Variants in TEAD1 observed in about 807,000 individuals in gnomAD.
TEAD1 encodes TEA domain transcription factor 1, also known as transcriptional enhancer factor TEF-1.
A neutral mutation model predicts 54.9 loss-of-function variants in TEAD1; 9 were observed. The ratio of observed to expected loss-of-function variants is 0.16; its 90% CI spans 0.10 to 0.29. TEAD1 has a LOEUF of 0.29. TEAD1 is among the 10% of genes least tolerant of loss of function. The pLI, the probability that TEAD1 is intolerant of heterozygous loss-of-function variation, is 1.00. For missense variants in TEAD1, 387 were observed against 535.9 expected (o/e 0.72, Z 2.74); for synonymous variants, 200 against 187.8 (o/e 1.07, Z -0.53).
intron 2 of TEAD1, among the ~76,000 whole-genome samples, chr11:12,752,410 C>T (rs1031062514): frequency 2.8e-4 from 42 of 152,082 alleles, no homozygotes; most frequent in Admixed American, 2.2e-3. Flanking sequence ...AGCCTCCCCA[C>T]GCTGCCTTCC....
chr11:12,680,343 G>A (rs897450461), intron 2 of TEAD1, among the ~76,000 whole-genome samples: 16 of 152,198 alleles, frequency 1.1e-4, no homozygotes, highest in African/African-American at 3.9e-4. Context: ...TCCGACTTTC[G>A]TCCAGCCTGA....
intron 3 of TEAD1, among the ~76,000 whole-genome samples, chr11:12,861,980 CTGTCTTTT>C (rs1947513446): frequency 7.4e-6 from 1 of 135,572 alleles, no homozygotes; most frequent in Non-Finnish European, 1.6e-5. Context: ...GAGTGAAACT[CTGTCTTTT>C]TTTTTTTTTT....
intron 3 of TEAD1, among the ~76,000 whole-genome samples, chr11:12,801,827 C>A (rs1011261934): frequency 3.3e-5 from 5 of 152,108 alleles, no homozygotes; most frequent in African/African-American, 1.2e-4. Context: ...GGTGGGTTGC[C>A]CACAGGCTGT....
At chr11:12,918,504 G>A (rs1255571250) in intron 10 of TEAD1, among the ~76,000 whole-genome samples, 1 of 151,994 alleles carries the variant, frequency 6.6e-6, no homozygotes, top group Non-Finnish European at 1.5e-5. Context: ...ACTGTTAGTT[G>A]GGAAGCCTTT....
intron 9 of TEAD1, among the ~76,000 whole-genome samples, chr11:12,898,420 A>C (rs2134123843): frequency 1.4e-5 from 2 of 147,848 alleles, no homozygotes; most frequent in Middle Eastern, 3.5e-3. Flanking sequence ...TTTGAGACGG[A>C]GTATCTCTCT....
At chr11:12,810,820 G>A (rs2133987941) in intron 3 of TEAD1, among the ~76,000 whole-genome samples, 1 of 152,278 alleles carries the variant, frequency 6.6e-6, no homozygotes, top group African/African-American at 2.4e-5. Context: ...CCTTTGGGCT[G>A]CTAACTCTCC....
rs1479357729 is a variant in TEAD1 at position 12,937,092 on chromosome 11, T to C, written c.1168-17T>C. On this transcript the variant is annotated splice_polypyrimidine_tract_variant and intron_variant, in intron 12 of 12. Transcript: ENST00000527636. ...TTCATCCTTTTGGTATTATATACTT[T>C]TTTTTTATCTTAACAGGTGGTAACA... 1.9e-6 allele frequency: 3 copies of C among 1,562,866 alleles called. No homozygotes were observed. Among genetic ancestry groups the C allele is most frequent in the African/African-American group, 1.4e-5 (1 of 73,856 alleles).
At chr11:12,723,757 G>T (rs1255074028) in intron 2 of TEAD1, among the ~76,000 whole-genome samples, 1 of 152,150 alleles carries the variant, frequency 6.6e-6, no homozygotes, top group Non-Finnish European at 1.5e-5. Flanking sequence ...ACAGAGTGAG[G>T]ATAAAGAAAA....
rs1163258642 is a variant in TEAD1 at position 12,674,671 on chromosome 11, C to CGCCA, written c.-367_-364dup. On this transcript the variant is annotated 5_prime_UTR_variant, in exon 1 of 13. Coordinates refer to ENST00000527636, the MANE Select transcript of TEAD1 (RefSeq NM_021961.6). ...CCGGAGCGCGGGCAGCAGCCCAGCG[C>CGCCA]GCCAGCCGGCCCCGGGGCAGGAGCG... 2 of 151,292 alleles carry CGCCA rather than the reference C, an allele frequency of 1.3e-5. No homozygotes were observed. The highest frequency in any genetic ancestry group is 4.8e-5 in the African/African-American group (2 of 41,320). The allele number at this position is 151,292 out of a possible 1,614,324, so 9.4% of individuals were successfully genotyped here.
Position 12,861,984 on chromosome 11 carries a change from CT to C in TEAD1, c.203-244del, listed in dbSNP as rs72145575. On this transcript the variant is annotated intron_variant, in intron 3 of 12. Transcript: ENST00000527636. ...CTGGGCAACAAGAGTGAAACTCTGTCTTTTTTTTTTTTTTTTTTTTTTAAAA... is the reference window on the plus strand; with the variant it reads ...CTGGGCAACAAGAGTGAAACTCTGTCTTTTTTTTTTTTTTTTTTTTTAAAA... Among the ~76,000 whole-genome samples, 571 of 124,362 alleles carry C rather than the reference CT, an allele frequency of 4.6e-3. 1 individual carries two copies. The highest frequency in any genetic ancestry group is 0.013 in the Middle Eastern group (3 of 228). 81.6% of individuals were successfully genotyped at this position (124,362 alleles called of 152,430 possible).
chr11:12,839,872 A>T (rs953062729), intron 3 of TEAD1, among the ~76,000 whole-genome samples: 30 of 152,190 alleles, frequency 2.0e-4, no homozygotes, highest in African/African-American at 6.5e-4. Context: ...TCTAAGAAAG[A>T]TCCTTCTGGT....
intron 10 of TEAD1, among the ~76,000 whole-genome samples, chr11:12,911,549 G>A (rs1948617755): frequency 6.6e-6 from 1 of 152,148 alleles, no homozygotes; most frequent in African/African-American, 2.4e-5. Context: ...GCGTTTTAAA[G>A]TTAACTGAAC....
intron 2 of TEAD1, among the ~76,000 whole-genome samples, chr11:12,691,178 G>A (rs1458035980): frequency 6.6e-6 from 1 of 152,056 alleles, no homozygotes; most frequent in East Asian, 1.9e-4. Flanking sequence ...TTAAATTATT[G>A]AATGCGTTTC....
intron 3 of TEAD1, among the ~76,000 whole-genome samples, chr11:12,796,563 A>G (rs1945929692): frequency 6.6e-6 from 1 of 151,646 alleles, no homozygotes; most frequent in Non-Finnish European, 1.5e-5. Context: ...AGTCTCCACA[A>G]AAAATACAAA....
chr11:12,896,242 T>A (rs1307953498), intron 9 of TEAD1, among the ~76,000 whole-genome samples: 2 of 152,214 alleles, frequency 1.3e-5, no homozygotes, highest in African/African-American at 4.8e-5. Context: ...CTTCTCCAGA[T>A]GGTGAGATAT....
rs528299669 is a variant in TEAD1, at chr11:12,704,045, C to T, written c.-55+28484C>T. On this transcript the variant is annotated intron_variant, in intron 2 of 12. Coordinates refer to ENST00000527636, the MANE Select transcript of TEAD1 (RefSeq NM_021961.6). ...CATGGAAAAAGTTATGTTAGAAGAA[C>T]TAGACTCCTACCAAGTCAGAGATAC... Among the ~76,000 whole-genome samples, 17 of 152,312 alleles carry T rather than the reference C, an allele frequency of 1.1e-4. 1 individual carries two copies. In the South Asian group the frequency reaches 1.5e-3, roughly 13 times the overall value.
intron 3 of TEAD1, among the ~76,000 whole-genome samples, chr11:12,861,090 T>C (rs1947490895): frequency 6.6e-6 from 1 of 152,242 alleles, no homozygotes; most frequent in Non-Finnish European, 1.5e-5. Context: ...TGGTTTTCCA[T>C]TTACTGTAGA....
intron 2 of TEAD1, among the ~76,000 whole-genome samples, chr11:12,699,138 C>T (rs1321165116): frequency 1.3e-5 from 2 of 152,154 alleles, no homozygotes; most frequent in Non-Finnish European, 2.9e-5. Context: ...GACCCAGTGG[C>T]TGGTCACTTG....
intron 9 of TEAD1, among the ~76,000 whole-genome samples, chr11:12,884,386 G>A (rs1464652843): frequency 6.6e-6 from 1 of 152,144 alleles, no homozygotes; most frequent in Non-Finnish European, 1.5e-5. Flanking sequence ...CATCTCATAA[G>A]TCCCATGCTG....
Sources: gnomAD v4.1 joint callset for allele counts (sites outside exome capture counted in the v4.1 genomes callset) on GRCh38, gnomAD v4.1.1 for gene constraint, MANE v1.5 for transcripts, NCBI Gene and HGNC (gene_info 2026-07-23, HGNC 2026-07-21) for gene names.